The following NRG1 variants were observed in gnomAD, a reference collection of about 807,000 sequenced individuals.
NRG1 encodes the protein pro-neuregulin-1, membrane-bound isoform.
In NRG1, 18 loss-of-function variants were observed where a neutral mutation model predicts 63.8. The observed-to-expected ratio is 0.28, with a 90% CI of 0.19 to 0.42. NRG1 has a LOEUF of 0.42. Ranked by LOEUF, NRG1 falls within the 10% of genes least tolerant of loss-of-function variation. The probability of loss-of-function intolerance (pLI) is 1.00; values close to 1 mark genes in which losing one functional copy is unlikely to be tolerated. For missense variants in NRG1, 762 were observed against 814.7 expected, an observed-to-expected ratio of 0.94 and a Z score of 0.79; for synonymous variants, 302 against 301.3, an observed-to-expected ratio of 1.00 and a Z score of -0.02.
chr8:32,090,446 G>A (rs556323072), intron 1 of NRG1, among the ~76,000 whole-genome samples: 8 of 152,094 alleles, frequency 5.3e-5, no homozygotes, highest in South Asian at 2.1e-4. Context: ...TCAGCCTCCC[G>A]AGAAGCTGGG....
At chr8:32,772,633 C>T (rs369679071), downstream of NRG1, among the ~76,000 whole-genome samples, 1 of 152,070 alleles carries the variant, frequency 6.6e-6, no homozygotes, top group Non-Finnish European at 1.5e-5. Context: ...ACTGGAGGAG[C>T]CCTTGTCTTG....
chr8:32,699,698 T>C (rs906082102), intron 5 of NRG1, among the ~76,000 whole-genome samples: 1 of 152,190 alleles, frequency 6.6e-6, no homozygotes, highest in Non-Finnish European at 1.5e-5. Flanking sequence ...TGGTTTAGAA[T>C]TTCTTACCCT....
At chr8:32,512,461 T>G (rs2129501657) in intron 1 of NRG1, among the ~76,000 whole-genome samples, 1 of 152,316 alleles carries the variant, frequency 6.6e-6, no homozygotes, top group Non-Finnish European at 1.5e-5. Flanking sequence ...TACTTATACC[T>G]TTGTTAGCAT....
At position 32,393,554 on chromosome 8, in the gene NRG1, T is replaced by A. The variant is rs1010049571; in HGVS notation, c.38-202274T>A. ...TATACCATGGAATACTATGCAGCCA[T>A]AAAAAGAACAAATTTATGTCCTTTA... On this transcript the variant is annotated intron_variant, in intron 1 of 10. Coordinates refer to the NRG1 transcript ENST00000519301. 9.2e-5 allele frequency among the ~76,000 whole-genome samples: 14 copies of A among 152,112 alleles called. No individual in the cohort carries two copies. In the East Asian group the frequency reaches 1.2e-3, roughly 13 times the overall value.
At chr8:31,702,630 A>G (rs1263114460) in intron 1 of NRG1, among the ~76,000 whole-genome samples, 2 of 152,154 alleles carry the variant, frequency 1.3e-5, no homozygotes, top group African/African-American at 4.8e-5. Context: ...CAGTGCCCTC[A>G]TGAATGTTGC....
At chr8:32,741,882 T>C (rs1826389411) in intron 6 of NRG1, 126 bp from the exon 7 acceptor site, 1 of 637,162 alleles carries the variant, frequency 1.6e-6, no homozygotes, top group African/African-American at 1.8e-5. Context: ...GTCTTTTCTT[T>C]TCTTTATATT....
chr8:32,304,815 G>A (rs1290296768), intron 1 of NRG1, among the ~76,000 whole-genome samples: 1 of 151,916 alleles, frequency 6.6e-6, no homozygotes, highest in Non-Finnish European at 1.5e-5. Context: ...TTAAGGACAG[G>A]AGTTCAAGAC....
At chr8:31,877,929 T>G (rs1019769003) in intron 1 of NRG1, among the ~76,000 whole-genome samples, 6 of 152,214 alleles carry the variant, frequency 3.9e-5, no homozygotes, top group Admixed American at 1.3e-4. Flanking sequence ...AGATTTTATT[T>G]TACTTAAATC....
intron 1 of NRG1, among the ~76,000 whole-genome samples, chr8:32,378,813 C>T (rs1420347687): frequency 1.4e-5 from 2 of 145,040 alleles, no homozygotes; most frequent in Non-Finnish European, 3.0e-5. Flanking sequence ...TGTTCCCCTT[C>T]CTGTATCCAT....
chr8:32,599,963 T>C (rs1408312804), intron 2 of NRG1, among the ~76,000 whole-genome samples: 4 of 152,206 alleles, frequency 2.6e-5, no homozygotes, highest in African/African-American at 9.6e-5. Context: ...AAAAAGTTTA[T>C]GTGCATTTCT....
At chr8:31,720,382 T>TAAC (rs1195389081) in intron 1 of NRG1, among the ~76,000 whole-genome samples, 11 of 152,210 alleles carry the variant, frequency 7.2e-5, no homozygotes, top group Non-Finnish European at 1.5e-5. Flanking sequence ...GTTACATACG[T>TAAC]AAACATGTGT....
At chr8:32,756,461 A>G in exon 9 of NRG1, 1 of 1,613,878 alleles carries the variant, frequency 6.2e-7, no homozygotes, top group South Asian at 1.1e-5. Flanking sequence ...TGAACGAAAC[A>G]ATATGATGAA....
intron 1 of NRG1, among the ~76,000 whole-genome samples, chr8:31,734,377 C>G (rs1324257837): frequency 6.6e-6 from 1 of 152,138 alleles, no homozygotes; most frequent in African/African-American, 2.4e-5. Context: ...GTGAGTCTGT[C>G]TCCTCCCTTT....
chr8:32,553,281 G>A (rs928136682), intron 1 of NRG1, among the ~76,000 whole-genome samples: 1 of 152,084 alleles, frequency 6.6e-6, no homozygotes, highest in African/African-American at 2.4e-5. Flanking sequence ...TGTAATAAGT[G>A]CCCAGTAATA....
intron 5 of NRG1, among the ~76,000 whole-genome samples, chr8:32,620,344 T>G (rs1263875907): frequency 1.3e-5 from 2 of 152,116 alleles, no homozygotes; most frequent in African/African-American, 4.8e-5. Flanking sequence ...GAAAAGCCTC[T>G]CTGAAGTAGT....
intron 1 of NRG1, among the ~76,000 whole-genome samples, chr8:32,362,535 CT>C (rs1372481653): frequency 1.3e-5 from 2 of 152,066 alleles, no homozygotes; most frequent in African/African-American, 4.8e-5. Context: ...CCCTAATGTT[CT>C]TTTTTGGTTA....
Position 32,390,616 on chromosome 8 carries a change from A to AAAT in NRG1, c.38-205210_38-205209insTAA, listed in dbSNP as rs1487772210. On this transcript the variant is annotated intron_variant, in intron 1 of 10. Coordinates refer to the NRG1 transcript ENST00000519301. ...AGACCCTGTCTTAAAAAAAAAAAAAAAAAGAAGAAGAAGAAGAAAAGAAAA... is the reference window on the plus strand; with the variant it reads ...AGACCCTGTCTTAAAAAAAAAAAAAAAATAAAGAAGAAGAAGAAGAAAAGAAAA... Among the ~76,000 whole-genome samples, 3 of 151,416 alleles carry AAAT rather than the reference A, an allele frequency of 2.0e-5. No individual in the cohort carries two copies. The East Asian group carries it at 5.8e-4, about 29-fold the overall frequency.
chr8:31,746,679 T>C (rs1815905380), intron 1 of NRG1, among the ~76,000 whole-genome samples: 2 of 151,922 alleles, frequency 1.3e-5, no homozygotes, highest in Admixed American at 1.3e-4. Flanking sequence ...AGAAAATAAA[T>C]CAGTATATCA....
intron 1 of NRG1, among the ~76,000 whole-genome samples, chr8:32,253,080 T>A (rs942219188): frequency 1.3e-5 from 2 of 152,212 alleles, no homozygotes; most frequent in African/African-American, 4.8e-5. Context: ...GCTTATCATT[T>A]TAAGGAGATT....
Sources: allele counts gnomAD v4.1 joint callset (sites outside exome capture counted in the v4.1 genomes callset), GRCh38; gene constraint gnomAD v4.1.1; transcripts MANE v1.5; gene names NCBI Gene and HGNC (gene_info 2026-07-23, HGNC 2026-07-21).